The following IQCB1 variants were observed in gnomAD, a reference collection of about 807,000 sequenced individuals.
IQCB1 encodes the protein IQ motif containing B1.
In IQCB1, 56 loss-of-function variants were observed where a neutral mutation model predicts 84.4. The ratio of observed to expected loss-of-function variants is 0.66; its 90% confidence interval spans 0.54 to 0.83. The LOEUF is 0.83. IQCB1 is among the 40% of genes least tolerant of loss of function. The pLI is 0.00. For missense variants in IQCB1, 629 were observed against 682.1 expected (o/e 0.92, Z 0.87); for synonymous variants, 210 against 234.8 (o/e 0.89, Z 0.96).
At chr3:121,799,987 G>C (rs1949343119) in intron 7 of IQCB1, among the ~76,000 whole-genome samples, 1 of 151,746 alleles carries the variant, frequency 6.6e-6, no homozygotes, top group Admixed American at 6.6e-5. Context: ...ATGTACCTCT[G>C]TTTAATTTTC....
At chr3:121,774,505 C>T (rs1454886869) in intron 13 of IQCB1, among the ~76,000 whole-genome samples, 1 of 152,206 alleles carries the variant, frequency 6.6e-6, no homozygotes, top group Non-Finnish European at 1.5e-5. Context: ...GCATTATTCA[C>T]AATAGCCAAA....
chr3:121,781,632 T>TACACACAC (rs57816005), intron 13 of IQCB1, 111 bp downstream of exon 13: 540 of 820,804 alleles, frequency 6.6e-4, no homozygotes, highest in African/African-American at 1.5e-3. Context: ...GCAATAAATG[T>TACACACAC]ACACACACAC....
In IQCB1 at chr3:121,808,896, A is replaced by C. The variant is rs764137105; in HGVS notation, c.487+20T>G. 1.4e-6 allele frequency: 2 copies of C among 1,465,034 alleles called. No individual in the cohort carries two copies. The highest frequency in any genetic ancestry group is 1.1e-5 in the South Asian group (1 of 87,786). 90.8% of individuals were successfully genotyped at this position (1,465,034 alleles called of 1,614,324 possible). On this transcript the variant is annotated intron_variant, in intron 6 of 14. Coordinates refer to ENST00000310864, the MANE Select transcript of IQCB1 (RefSeq NM_001023570.4). The stretch of plus-strand genomic sequence containing the variant: ...TGACTCTACAATAGCTATTAGTTAC[A>C]TTAAAATCTTTTCTCTTACCATTCT...
At chr3:121,818,928 TA>T (rs34632724) in intron 5 of IQCB1, among the ~76,000 whole-genome samples, 37,443 of 152,022 alleles carry the variant, frequency 0.25, 4,945 homozygotes, top group Non-Finnish European at 0.28. Flanking sequence ...CAGCAACTTT[TA>T]AAAGCGCCTT....
At chr3:121,797,094 T>A in intron 9 of IQCB1, 24 bp downstream of exon 9, 7 of 744,600 alleles carry the variant, frequency 9.4e-6, no homozygotes, top group African/African-American at 2.0e-5. Context: ...TATCATGCAA[T>A]TTTTTTTTTT....
At chr3:121,774,314 C>G (rs1052634466) in intron 13 of IQCB1, among the ~76,000 whole-genome samples, 3 of 152,084 alleles carry the variant, frequency 2.0e-5, no homozygotes, top group Non-Finnish European at 2.9e-5. Flanking sequence ...AAACTGGAAC[C>G]CTGTGTGTGA....
intron 13 of IQCB1, among the ~76,000 whole-genome samples, chr3:121,780,929 A>C (rs562257009): frequency 2.0e-5 from 3 of 152,322 alleles, no homozygotes; most frequent in African/African-American, 7.2e-5. Flanking sequence ...CCACCACCAC[A>C]ATCACAACAA....
intron 7 of IQCB1, among the ~76,000 whole-genome samples, chr3:121,801,972 C>T (rs1201625904): frequency 6.6e-6 from 1 of 151,798 alleles, no homozygotes; most frequent in Non-Finnish European, 1.5e-5. Flanking sequence ...GCCCTGAATG[C>T]CGGGATAAAC....
At chr3:121,809,191 A>T (rs1257400339) in intron 5 of IQCB1, among the ~76,000 whole-genome samples, 182 bp from the exon 6 acceptor site, 4 of 151,836 alleles carry the variant, frequency 2.6e-5, no homozygotes, top group Admixed American at 6.6e-5. Flanking sequence ...GTTACAGGAT[A>T]GTAATATCTA....
chr3:121,811,665 C>T lies in IQCB1; in HGVS notation c.394-2656G>A, dbSNP rs577846433. ...TAAGGAAGCCACTGGGAAGTTTGGA[C>T]TGGGTGGAACTCACTGCAGCACAGC... is the stretch of plus-strand genomic sequence containing the variant. On this transcript the variant is annotated intron_variant, in intron 5 of 14. Coordinates refer to ENST00000310864, the MANE Select transcript of IQCB1 (RefSeq NM_001023570.4). 2.6e-5 allele frequency among the ~76,000 whole-genome samples: 4 copies of T among 152,300 alleles called. No individual in the cohort carries two copies. The South Asian group carries it at 8.3e-4, about 32-fold the overall frequency.
At position 121,799,192 on chromosome 3, in the gene IQCB1, C is replaced by T. The variant is rs1256145523; in HGVS notation, c.766+4G>A. The T allele has an allele frequency of 1.3e-6, 2 of 1,598,642 alleles. No homozygotes were observed. Among genetic ancestry groups the T allele is most frequent in the South Asian group, 2.2e-5 (2 of 90,452 alleles). On this transcript the variant is annotated splice_donor_region_variant and intron_variant, in intron 8 of 14. Transcript: ENST00000310864. The stretch of plus-strand genomic sequence containing the variant: ...CCCAAGAAAAGAAAGAATGAATGTA[C>T]TACCTTTGTAGCAGGTACTTTGTCT...
intron 7 of IQCB1, among the ~76,000 whole-genome samples, chr3:121,800,117 G>T (rs1302115354): frequency 6.6e-6 from 1 of 151,872 alleles, no homozygotes; most frequent in Non-Finnish European, 1.5e-5. Flanking sequence ...CAATACAAAT[G>T]ATTTCTGTCC....
At chr3:121,788,578 A>G (rs1576556574) in intron 11 of IQCB1, 146 bp from the exon 12 acceptor site, 2 of 803,872 alleles carry the variant, frequency 2.5e-6, no homozygotes, top group Non-Finnish European at 4.1e-6. Flanking sequence ...CTATTTTACC[A>G]TGGTTCTAAG....
At position 121,770,485 on chromosome 3, in the gene IQCB1, G is replaced by A. The variant is rs766439338; in HGVS notation, c.1657C>T (p.His553Tyr). Residue 553 changes from histidine (H) to tyrosine (Y), a missense_variant, in exon 15 of 15, where the codon CAT becomes TAT. By Grantham distance (83) the His-to-Tyr change is moderately conservative. Coordinates refer to ENST00000310864, the MANE Select transcript of IQCB1 (RefSeq NM_001023570.4). ...RPVAAKAKQAHLTTLKHIQAP... is the reference protein window; with the variant it reads ...RPVAAKAKQAYLTTLKHIQAP... ...TGTATGTGCTTCAGGGTTGTGAGATGGGCCTGCTTGGCCTTGGCTGCCACA... is the reference window on the plus strand; with the variant it reads ...TGTATGTGCTTCAGGGTTGTGAGATAGGCCTGCTTGGCCTTGGCTGCCACA... 51 of 1,614,034 alleles carry A rather than the reference G, an allele frequency of 3.2e-5. No homozygotes were observed. Among genetic ancestry groups the A allele is most frequent in the Non-Finnish European group, 3.6e-5 (42 of 1,179,996 alleles).
Position 121,772,662 on chromosome 3 carries a change from C to T in IQCB1, c.1462G>A (p.Glu488Lys). The T allele has an allele frequency of 6.2e-7, 1 of 1,614,196 alleles. No homozygotes were observed. The highest frequency in any genetic ancestry group is 8.5e-7 in the Non-Finnish European group (1 of 1,180,036). ...VSRELHAQAQ[E>K]RLQHYFMGRA... ...CCCATAAAGTAGTGTTGCAGTCGTT[C>T]TTGAGCTTGGGCATGGAGCTCCCTA... The change falls in exon 14 of 15, where the codon GAA (glutamate) becomes AAA (lysine). Residue 488 changes from glutamate to lysine, a missense_variant. Transcript: ENST00000310864.
chr3:121,772,784 A>G (rs1289719304), intron 13 of IQCB1, 71 bp from the exon 14 acceptor site: 1 of 1,414,778 alleles, frequency 7.1e-7, no homozygotes, highest in East Asian at 2.3e-5. Context: ...CACTTAGCAG[A>G]GGTTTTAGAC....
intron 2 of IQCB1, among the ~76,000 whole-genome samples, chr3:121,829,794 C>T (rs1452421781): frequency 6.6e-6 from 1 of 152,184 alleles, no homozygotes; most frequent in Non-Finnish European, 1.5e-5. Flanking sequence ...TAAATCATAG[C>T]TGTAAGTACA....
At chr3:121,818,503 T>C (rs1950157046) in intron 5 of IQCB1, among the ~76,000 whole-genome samples, 1 of 152,182 alleles carries the variant, frequency 6.6e-6, no homozygotes, top group Non-Finnish European at 1.5e-5. Context: ...TAAACCGGAC[T>C]TAGGGCAGGG....
At chr3:121,830,544 T>C (rs1487845194) in intron 2 of IQCB1, among the ~76,000 whole-genome samples, 1 of 152,234 alleles carries the variant, frequency 6.6e-6, no homozygotes, top group African/African-American at 2.4e-5. Flanking sequence ...CACTGTCTTG[T>C]GTAATCCTCA....
Sources: gnomAD v4.1 joint callset for allele counts (sites outside exome capture counted in the v4.1 genomes callset) on GRCh38, gnomAD v4.1.1 for gene constraint, MANE v1.5 for transcripts, NCBI Gene and HGNC (gene_info 2026-07-23, HGNC 2026-07-21) for gene names.